The following MROH7 variants were observed in gnomAD, a reference collection of about 807,000 sequenced individuals.
The protein encoded by MROH7 is maestro heat-like repeat-containing protein family member 7.
Under a neutral mutation model 129.2 loss-of-function variants are expected in MROH7, and 113 were observed. The observed-to-expected ratio is 0.87, with a 90% CI of 0.75 to 1.02. The LOEUF is 1.02. MROH7 is among the 50% of genes least tolerant of loss of function. The pLI, the probability that MROH7 is intolerant of heterozygous loss-of-function variation, is 0.00. For missense variants in MROH7, 1,601 were observed against 1,671.3 expected (o/e 0.96, Z 0.73); for synonymous variants, 655 against 667.9 (o/e 0.98, Z 0.30).
rs572167241 is a variant in MROH7 at position 54,679,281 on chromosome 1, G to A, written c.2068G>A (p.Gly690Arg). 1.4e-5 allele frequency: 23 copies of A among 1,614,140 alleles called. No individual in the cohort carries two copies. The highest frequency in any genetic ancestry group is 1.2e-4 in the Admixed American group (7 of 60,032). Residue 690 changes from glycine to arginine, a missense_variant, in exon 12 of 24, where the codon GGG becomes AGG. Physicochemically the swap from Gly to Arg is moderately radical, Grantham distance 125. Coordinates refer to ENST00000421030, the MANE Select transcript of MROH7 (RefSeq NM_001039464.4). ...RVIEEFGDFL[G>R]PQQIKDLLLA... is the part of the protein sequence containing the mutation. Reference sequence around the variant, plus strand: ...GTTTCAGGAATTTGGAGACTTCCTGGGGCCCCAGCAGATAAAGGACCTGCT... The same window carrying A: ...GTTTCAGGAATTTGGAGACTTCCTGAGGCCCCAGCAGATAAAGGACCTGCT...
chr1:54,663,703 A>C (rs1749858), intron 3 of MROH7: 111 of 309,730 alleles, frequency 3.6e-4, no homozygotes, highest in African/African-American at 2.8e-3. Flanking sequence ...AAAAAAAAAC[A>C]AAAAAAAAAC....
chr1:54,700,946 A>G (rs1437663049), intron 18 of MROH7, among the ~76,000 whole-genome samples, 197 bp from the exon 19 acceptor site: 1 of 152,252 alleles, frequency 6.6e-6, no homozygotes, highest in Non-Finnish European at 1.5e-5. Flanking sequence ...CTGGCCAACG[A>G]GTCAGTGAGG....
In MROH7 at chr1:54,670,879, T is replaced by G. The variant is rs775808083; in HGVS notation, c.1549T>G (p.Ser517Ala). The change falls in exon 7 of 24, where the codon TCC (serine) becomes GCC (alanine). Residue 517 changes from serine to alanine, a missense_variant. Physicochemically the swap from Ser to Ala is moderately conservative, Grantham distance 99 (BLOSUM62 1). Coordinates refer to ENST00000421030, the MANE Select transcript of MROH7 (RefSeq NM_001039464.4). ...TGTGCACAGCGTGTTCTCCCTGCCCTCCGTGCAGGCGATGCAGGAGAAGGA... is the reference window on the plus strand; with the variant it reads ...TGTGCACAGCGTGTTCTCCCTGCCCGCCGTGCAGGCGATGCAGGAGAAGGA... ...VCVHSVFSLP[S>A]VQAMQEKDEA... 5.6e-6 allele frequency: 9 copies of G among 1,612,992 alleles called. 1 individual carries two copies. In the South Asian group the frequency reaches 9.9e-5, roughly 18 times the overall value.
chr1:54,665,151 A>G lies in MROH7; in HGVS notation c.1232-16A>G, dbSNP rs748168676. The stretch of plus-strand genomic sequence containing the variant: ...CACAGCTTTATCCACCTTCTCATTG[A>G]AATCGTGCCCTGCAGGAGCCTTTGA... On this transcript the variant is annotated splice_polypyrimidine_tract_variant and intron_variant, in intron 3 of 23. Transcript: ENST00000421030. The G allele has an allele frequency of 6.2e-6, 10 of 1,610,462 alleles. No homozygotes were observed. The highest frequency in any genetic ancestry group is 1.7e-5 in the Admixed American group (1 of 59,900).
At position 54,702,567 on chromosome 1, in the gene MROH7, C is replaced by CT. The variant is rs1235963135; in HGVS notation, c.3442-55dup. On this transcript the variant is annotated intron_variant, in intron 20 of 23. Coordinates refer to ENST00000421030, the MANE Select transcript of MROH7 (RefSeq NM_001039464.4). ...AACTGAGTTTTCAAAATCCCTTTTT[C>CT]TGGACCATAGTCTGGCTGTCCACAG... 19 of 1,443,888 alleles carry CT rather than the reference C, an allele frequency of 1.3e-5. No individual in the cohort carries two copies. The South Asian group carries it at 3.1e-4, about 23-fold the overall frequency. The allele number at this position is 1,443,888 out of a possible 1,614,324, so 89.4% of individuals were successfully genotyped here.
chr1:54,687,005 A>G (rs937736195), intron 15 of MROH7, among the ~76,000 whole-genome samples: 3 of 152,102 alleles, frequency 2.0e-5, no homozygotes, highest in African/African-American at 7.2e-5. Context: ...CCTTCATTAC[A>G]TACTATATCT....
intron 17 of MROH7, chr1:54,697,827 T>C: frequency 1.8e-6 from 1 of 560,560 alleles, no homozygotes; most frequent in South Asian, 2.5e-5. Context: ...GTCTACCACA[T>C]GGGTTCTTGC....
chr1:54,695,434 C>T lies in MROH7; in HGVS notation c.2908C>T (p.Leu970Phe), dbSNP rs774687453. 7.4e-6 allele frequency: 12 copies of T among 1,613,968 alleles called. No homozygotes were observed. The Admixed American group carries it at 1.8e-4, about 25-fold the overall frequency. Residue 970 changes from leucine to phenylalanine, a missense_variant, in exon 17 of 24, where the codon CTC becomes TTC. By Grantham distance (22) the Leu-to-Phe change is conservative. Transcript: ENST00000421030. ...CCGCATCCTCTACCTGCTCATCCCG[C>T]TCCTGGAGCGAGGCGACGAGAAGCA... is the stretch of plus-strand genomic sequence containing the variant. ...LCRILYLLIPLLERGDEKHRI... is the reference protein window; with the variant it reads ...LCRILYLLIPFLERGDEKHRI...
At chr1:54,675,192 T>A (rs886901780) in intron 10 of MROH7, among the ~76,000 whole-genome samples, 6 of 152,174 alleles carry the variant, frequency 3.9e-5, no homozygotes, top group African/African-American at 1.4e-4. Context: ...GCCAGGCTGG[T>A]CTCAAACTCC....
At chr1:54,696,646 C>A (rs1645326650) in intron 17 of MROH7, among the ~76,000 whole-genome samples, 2 of 140,014 alleles carry the variant, frequency 1.4e-5, no homozygotes, top group Non-Finnish European at 1.5e-5. Flanking sequence ...TTGCATGCAT[C>A]ACAATTTCCT....
chr1:54,679,151 C>T, intron 11 of MROH7, 112 bp from the exon 12 acceptor site: 1 of 1,081,256 alleles, frequency 9.2e-7, no homozygotes, highest in Non-Finnish European at 1.4e-6. Flanking sequence ...GCCCTCCCTG[C>T]TGACCTCTGC....
chr1:54,699,318 T>G (rs1191554504), intron 17 of MROH7: 2 of 151,044 alleles, frequency 1.3e-5, no homozygotes, highest in Admixed American at 6.6e-5. Flanking sequence ...TCCTTCTCTT[T>G]TCAAGGTGGA....
chr1:54,677,912 TA>T (rs1645007374), intron 10 of MROH7, among the ~76,000 whole-genome samples: 1 of 152,044 alleles, frequency 6.6e-6, no homozygotes, highest in Admixed American at 6.6e-5. Flanking sequence ...AATAAACAAG[TA>T]ACACATATAG....
chr1:54,699,094 T>TTTTCTTTCTTTCTTTCTTTC (rs765826194), intron 17 of MROH7: 10 of 98,296 alleles, frequency 1.0e-4, no homozygotes, highest in East Asian at 3.4e-4. Flanking sequence ...TTGCCTGGCC[T>TTTTCTTTCTTTCTTTCTTTC]TTTCTTTCTT....
intron 1 of MROH7, among the ~76,000 whole-genome samples, chr1:54,648,425 G>C (rs1644505187): frequency 6.6e-6 from 1 of 151,636 alleles, no homozygotes; most frequent in African/African-American, 2.4e-5. Flanking sequence ...GAGTGCAGTG[G>C]CGCAATCTCG....
chr1:54,654,301 T>G, intron 3 of MROH7, 144 bp downstream of exon 3: 2 of 853,156 alleles, frequency 2.3e-6, no homozygotes, highest in Non-Finnish European at 3.5e-6. Context: ...ACTAGACATC[T>G]AATAATCGGC....
In MROH7 at chr1:54,653,445, T is replaced by A; in HGVS notation, c.519T>A (p.His173Gln). Residue 173 changes from histidine to glutamine, a missense_variant, in exon 3 of 24, where the codon CAT becomes CAA. Transcript: ENST00000421030. The part of the protein sequence containing the change: ...LGQRNSNPSR[H>Q]ELNPFIRHHS... ...AGAGAAACTCCAACCCTTCTAGGCA[T>A]GAATTAAACCCATTTATAAGGCACC... The A allele has an allele frequency of 6.2e-7, 1 of 1,614,190 alleles. No individual in the cohort carries two copies. Among genetic ancestry groups the A allele is most frequent in the Non-Finnish European group, 8.5e-7 (1 of 1,180,034 alleles).
intron 11 of MROH7, 44 bp from the exon 12 acceptor site, chr1:54,679,219 G>T: frequency 6.2e-7 from 1 of 1,606,550 alleles, no homozygotes; most frequent in Non-Finnish European, 8.5e-7. Context: ...CTCAAAGCTC[G>T]GGCTACCCAT....
rs12074499 is a variant in MROH7, at chr1:54,653,981, C to T, written c.1055C>T (p.Thr352Met). The T allele has an allele frequency of 4.8e-3, 7,670 of 1,614,184 alleles. 287 individuals are homozygous for T. The African/African-American group carries it at 0.085, about 18-fold the overall frequency. Reference sequence around the variant, plus strand: ...CTGTTCAGCGACACCTCCACCTTGACGCTGAGCAGTCAGCAGGATGATGCC... The same window carrying T: ...CTGTTCAGCGACACCTCCACCTTGATGCTGAGCAGTCAGCAGGATGATGCC... ...SLLFSDTSTL[T>M]LSSQQDDAKD... Residue 352 changes from threonine (T) to methionine (M), a missense_variant, in exon 3 of 24, where the codon ACG (threonine) becomes ATG (methionine). By Grantham distance (81) the Thr-to-Met change is moderately conservative. Coordinates refer to ENST00000421030, the MANE Select transcript of MROH7 (RefSeq NM_001039464.4).
Sources: gnomAD v4.1 joint callset for allele counts (sites outside exome capture counted in the v4.1 genomes callset) on GRCh38, gnomAD v4.1.1 for gene constraint, MANE v1.5 for transcripts, NCBI Gene and HGNC (gene_info 2026-07-23, HGNC 2026-07-21) for gene names.